LRRK2: variants seen among roughly 807,000 people sequenced by gnomAD.
LRRK2 encodes leucine-rich repeat serine/threonine-protein kinase 2.
Under a neutral mutation model 302.6 loss-of-function variants are expected in LRRK2, and 203 were observed. That is an observed-to-expected ratio of 0.67 (90% confidence interval 0.60 to 0.75). The LOEUF (loss-of-function observed/expected upper bound fraction) is 0.75, where lower values mean the gene tolerates loss of function less well. LRRK2 is among the 30% of genes least tolerant of loss of function. LRRK2 has a pLI of 0.00. For synonymous variants in LRRK2, 1,066 were observed against 1,031.9 expected (o/e 1.03, Z -0.63); for missense variants, 2,830 against 2,951.0 (o/e 0.96, Z 0.95).
intron 41 of LRRK2, among the ~76,000 whole-genome samples, chr12:40,345,124 T>A (rs1344449222): frequency 6.6e-6 from 1 of 152,174 alleles, no homozygotes; most frequent in East Asian, 1.9e-4. Flanking sequence ...TTCGTTATAT[T>A]TTTCTGGCTG....
chr12:40,242,833 A>G (rs1941797874), intron 6 of LRRK2, among the ~76,000 whole-genome samples: 1 of 136,792 alleles, frequency 7.3e-6, no homozygotes, highest in African/African-American at 2.8e-5. Flanking sequence ...GCAATATAAC[A>G]TGAGCCATAT....
At chr12:40,250,549 T>C (rs1942215440) in intron 8 of LRRK2, among the ~76,000 whole-genome samples, 1 of 152,160 alleles carries the variant, frequency 6.6e-6, no homozygotes, top group Non-Finnish European at 1.5e-5. Context: ...ATGTGCAGGT[T>C]TTTCACATAG....
intron 28 of LRRK2, among the ~76,000 whole-genome samples, chr12:40,308,055 C>A (rs967441673): frequency 6.6e-6 from 1 of 152,016 alleles, no homozygotes; most frequent in Non-Finnish European, 1.5e-5. Context: ...GCAGGGATTA[C>A]AGGTGCGAGC....
intron 47 of LRRK2, among the ~76,000 whole-genome samples, chr12:40,359,962 T>G (rs1236777665): frequency 6.6e-6 from 1 of 152,168 alleles, no homozygotes; most frequent in East Asian, 1.9e-4. Flanking sequence ...AAATAAAATA[T>G]TAATATAAAC....
chr12:40,225,462 CT>C, intron 1 of LRRK2, 92 bp from the exon 2 acceptor site: 1 of 1,322,122 alleles, frequency 7.6e-7, no homozygotes, highest in Non-Finnish European at 1.1e-6. Flanking sequence ...AGGTCTTCAC[CT>C]TTTTGACTTT....
At chr12:40,309,326 C>T (rs1944955880) in intron 30 of LRRK2, 93 bp downstream of exon 30, 7 of 1,461,236 alleles carry the variant, frequency 4.8e-6, no homozygotes, top group Non-Finnish European at 5.5e-6. Flanking sequence ...TTTGGGCAAA[C>T]AATTGCTTCA....
rs1281075513 is a variant in LRRK2 at position 40,368,435 on chromosome 12, A to G, written c.*670A>G. ...CCTCATATCTAGGAAAGACACAGAAACTCTCTTTGTCACAGAAACTCTCTG... is the reference window on the plus strand; with the variant it reads ...CCTCATATCTAGGAAAGACACAGAAGCTCTCTTTGTCACAGAAACTCTCTG... On this transcript the variant is annotated 3_prime_UTR_variant, in exon 51 of 51. Coordinates refer to ENST00000298910, the MANE Select transcript of LRRK2 (RefSeq NM_198578.4). 1.3e-5 allele frequency: 2 copies of G among 151,684 alleles called. No individual in the cohort carries two copies. The highest frequency in any genetic ancestry group is 6.6e-5 in the Admixed American group (1 of 15,184). 9.4% of individuals were successfully genotyped at this position (151,684 alleles called of 1,614,324 possible).
At chr12:40,352,525 G>A (rs987009924) in intron 44 of LRRK2, among the ~76,000 whole-genome samples, 1 of 149,094 alleles carries the variant, frequency 6.7e-6, no homozygotes, top group Admixed American at 6.7e-5. Context: ...ATTTGGCAGG[G>A]TCATAGGACA....
chr12:40,268,760 T>C (rs1249819642), intron 14 of LRRK2, among the ~76,000 whole-genome samples: 3 of 152,152 alleles, frequency 2.0e-5, no homozygotes, highest in Non-Finnish European at 4.4e-5. Context: ...ACAATTTTAG[T>C]AATTATAATG....
At chr12:40,364,770 T>A (rs1946825315) in intron 48 of LRRK2, 72 bp from the exon 49 acceptor site, 2 of 1,143,268 alleles carry the variant, frequency 1.7e-6, no homozygotes, top group South Asian at 2.6e-5. Context: ...ATGTTGTTTA[T>A]GTTATCATAT....
At chr12:40,327,357 T>C (rs17444103) in intron 38 of LRRK2, among the ~76,000 whole-genome samples, 2,125 of 152,228 alleles carry the variant, frequency 0.014, 23 homozygotes, top group Middle Eastern at 0.071. Flanking sequence ...TTCTACTAAG[T>C]ACAGAATTAA....
At chr12:40,337,090 C>G (rs1359763119) in intron 40 of LRRK2, among the ~76,000 whole-genome samples, 1 of 152,000 alleles carries the variant, frequency 6.6e-6, no homozygotes, top group African/African-American at 2.4e-5. Flanking sequence ...GAAAAGCTTT[C>G]TGGATTTTGT....
In LRRK2 at chr12:40,314,163, A is replaced by C; in HGVS notation, c.4728A>C (p.Leu1576=). 1 of 1,612,280 alleles carries C rather than the reference A, an allele frequency of 6.2e-7. No homozygotes were observed. The highest frequency in any genetic ancestry group is 1.3e-5 in the African/African-American group (1 of 74,948). ...ENELPHAVHF[L]NESGVLLHFQ... is the part of the protein sequence containing the mutation. ...AGCTTCCTCACGCAGTTCACTTTCT[A>C]AATGAATCAGGTTTGTGTTTTTCGT... Residue 1576 remains leucine, a synonymous_variant, in exon 32 of 51, where the codon CTA becomes CTC. Transcript: ENST00000298910.
chr12:40,353,237 CCAGGCAAAGGGGCTCCTCACTTCT>C, intron 44 of LRRK2, among the ~76,000 whole-genome samples: 1 of 120,620 alleles, frequency 8.3e-6, no homozygotes, highest in African/African-American at 2.9e-5. Context: ...GGGGCAGCTG[CCAGGCAAAGGGGCTCCTCACTTCT>C]CAGACGGGGC....
chr12:40,229,031 G>A (rs529681905), intron 2 of LRRK2, among the ~76,000 whole-genome samples: 61 of 152,252 alleles, frequency 4.0e-4, no homozygotes, highest in South Asian at 8.3e-4. Flanking sequence ...CTAGTAAAAA[G>A]CAAAATGGTT....
chr12:40,360,671 G>A (rs987164299), intron 47 of LRRK2, among the ~76,000 whole-genome samples: 1 of 152,104 alleles, frequency 6.6e-6, no homozygotes, highest in Non-Finnish European at 1.5e-5. Flanking sequence ...TCCTTTATAT[G>A]AAGTCCAAAT....
rs76535406 is a variant in LRRK2, at chr12:40,298,433, C to G, written c.3287C>G (p.Ser1096Cys). ...TTTAACCTGTCATATAACCAGCTGT[C>G]TTTTGTACCTGAGAACCTCACTGAT... The part of the protein sequence containing the change: ...KQFNLSYNQL[S>C]FVPENLTDVV... Residue 1096 changes from serine to cysteine, a missense_variant, in exon 24 of 51, where the codon TCT becomes TGT. Transcript: ENST00000298910. 2.9e-5 allele frequency: 47 copies of G among 1,613,754 alleles called. No individual in the cohort carries two copies. Among genetic ancestry groups the G allele is most frequent in the Non-Finnish European group, 4.0e-5 (47 of 1,179,964 alleles).
chr12:40,228,869 A>T (rs1334359899), intron 2 of LRRK2, among the ~76,000 whole-genome samples: 1 of 152,212 alleles, frequency 6.6e-6, no homozygotes, highest in Non-Finnish European at 1.5e-5. Context: ...ATATTACCGG[A>T]TGTTTTACTG....
chr12:40,299,154 G>A lies in LRRK2; in HGVS notation c.3393G>A (p.Leu1131=), dbSNP rs780151814. Reference sequence around the variant, plus strand: ...GCTCCCCCTTGAGACTGAAGGAACTGAAGATTTTAAACCTTAGTAAGAACC... The same window carrying A: ...GCTCCCCCTTGAGACTGAAGGAACTAAAGATTTTAAACCTTAGTAAGAACC... ...GICSPLRLKE[L]KILNLSKNHI... Residue 1131 remains leucine (L), a synonymous_variant, in exon 25 of 51, where the codon CTG becomes CTA. Coordinates refer to ENST00000298910, the MANE Select transcript of LRRK2 (RefSeq NM_198578.4). 6 of 1,613,426 alleles carry A rather than the reference G, an allele frequency of 3.7e-6. No individual in the cohort carries two copies. In the South Asian group the frequency reaches 5.5e-5, roughly 15 times the overall value.
Sources: gnomAD v4.1 joint callset for allele counts (sites outside exome capture counted in the v4.1 genomes callset) on GRCh38, gnomAD v4.1.1 for gene constraint, MANE v1.5 for transcripts, NCBI Gene and HGNC (gene_info 2026-07-23, HGNC 2026-07-21) for gene names.